Variants in SPTBN5 observed in about 807,000 individuals in gnomAD.
SPTBN5 encodes the protein spectrin beta chain, non-erythrocytic 5.
Under a neutral mutation model 477.6 loss-of-function variants are expected in SPTBN5, and 513 were observed. The ratio of observed to expected loss-of-function variants is 1.07; its 90% CI spans 1.00 to 1.16. The LOEUF (loss-of-function observed/expected upper bound fraction) is 1.16, where lower values mean the gene tolerates loss of function less well. SPTBN5 is among the 50% of genes most tolerant of loss of function. The probability of loss-of-function intolerance (pLI) is 0.00; values close to 1 mark genes in which losing one functional copy is unlikely to be tolerated. For synonymous variants in SPTBN5, 2,169 were observed against 2,011.7 expected (o/e 1.08, Z -2.09); for missense variants, 5,062 against 4,731.8 (o/e 1.07, Z -2.05).
rs1453949690 is a variant in SPTBN5 at position 41,876,273 on chromosome 15, C to T, written c.3963G>A (p.Gln1321=). Residue 1321 remains glutamine, a synonymous_variant, in exon 21 of 68, where the codon CAG becomes CAA. Coordinates refer to ENST00000320955, the MANE Select transcript of SPTBN5 (RefSeq NM_016642.4). ...LASLQLQEWK[Q]DVAELMQWME... ...TCCACTGCATCAGCTCTGCCACATC[C>T]TGCTTCCACTCCTGCCAAGAACCAG... 3 of 1,570,138 alleles carry T rather than the reference C, an allele frequency of 1.9e-6. No homozygotes were observed. In the South Asian group the frequency reaches 3.4e-5, roughly 18 times the overall value.
chr15:41,880,635 C>T (rs1190059493), intron 13 of SPTBN5, among the ~76,000 whole-genome samples: 1 of 152,200 alleles, frequency 6.6e-6, no homozygotes, highest in Admixed American at 6.5e-5. Context: ...TGCTCCACCC[C>T]CACCTGCCTC....
intron 17 of SPTBN5, among the ~76,000 whole-genome samples, chr15:41,878,019 G>C (rs1187639951): frequency 6.6e-6 from 1 of 152,154 alleles, no homozygotes; most frequent in Non-Finnish European, 1.5e-5. Context: ...TTACCAGGAC[G>C]GCAGGGGGGG....
At chr15:41,861,565 C>T (rs1243084729) in intron 45 of SPTBN5, 69 bp from the exon 46 acceptor site, 1 of 1,563,218 alleles carries the variant, frequency 6.4e-7, no homozygotes, top group African/African-American at 1.4e-5. Flanking sequence ...AGTGACTGTT[C>T]CAGTGGCACA....
chr15:41,860,427 G>A (rs1361548278), intron 47 of SPTBN5, among the ~76,000 whole-genome samples, 159 bp downstream of exon 47: 1 of 152,268 alleles, frequency 6.6e-6, no homozygotes, highest in Admixed American at 6.5e-5. Context: ...ACACATTGCA[G>A]GGCCAGGGGT....
chr15:41,883,241 G>A lies in SPTBN5; in HGVS notation c.1660-13C>T, dbSNP rs1188887532. ...ACCTGGCCGGCTCCTGGCCAGAGAT[G>A]ATGGTCATTGCAGTGGTCCCAAGGT... On this transcript the variant is annotated splice_polypyrimidine_tract_variant and intron_variant, in intron 8 of 67. Coordinates refer to ENST00000320955, the MANE Select transcript of SPTBN5 (RefSeq NM_016642.4). 1 of 1,607,734 alleles carries A rather than the reference G, an allele frequency of 6.2e-7. No homozygotes were observed. The highest frequency in any genetic ancestry group is 8.5e-7 in the Non-Finnish European group (1 of 1,177,122).
At position 41,868,579 on chromosome 15, in the gene SPTBN5, G is replaced by A. The variant is rs1211813237; in HGVS notation, c.5876C>T (p.Ala1959Val). 2 of 1,600,482 alleles carry A rather than the reference G, an allele frequency of 1.2e-6. No individual in the cohort carries two copies. The change falls in exon 33 of 68, where the codon GCA becomes GTA. Residue 1959 changes from alanine (A) to valine (V), a missense_variant. By Grantham distance (64) the Ala-to-Val change is moderately conservative (BLOSUM62 0). Transcript: ENST00000320955. ...CTGCAGGTCCTGGCGCACGCGGGCT[G>A]CCCAGGAGGCATAGTCACGCACCTG... Reference protein sequence around the residue: ...RTAVRDYASWAARVRQDLQVE... With the variant: ...RTAVRDYASWVARVRQDLQVE...
In SPTBN5 at chr15:41,892,999, C is replaced by T; in HGVS notation, c.279G>A (p.Leu93=). 6.2e-7 allele frequency: 1 copy of T among 1,610,602 alleles called. No homozygotes were observed. Among genetic ancestry groups the T allele is most frequent in the Non-Finnish European group, 8.5e-7 (1 of 1,179,784 alleles). The change falls in exon 3 of 68, where the codon CTG becomes CTA. Residue 93 remains leucine (L), a synonymous_variant. Coordinates refer to ENST00000320955, the MANE Select transcript of SPTBN5 (RefSeq NM_016642.4). ...GGGCCTCCCCTGAGATGAGCTCCAGCAGCCGCAGGAGGTGGATGCCGTCAG... is the reference window on the plus strand; with the variant it reads ...GGGCCTCCCCTGAGATGAGCTCCAGTAGCCGCAGGAGGTGGATGCCGTCAG... ...ELADGIHLLR[L]LELISGEALP...
intron 46 of SPTBN5, among the ~76,000 whole-genome samples, chr15:41,861,216 C>T (rs550274011): frequency 2.6e-5 from 4 of 152,290 alleles, no homozygotes; most frequent in Admixed American, 6.5e-5. Context: ...TTGGTGTTCG[C>T]GGTGGGGCCT....
intron 49 of SPTBN5, 150 bp downstream of exon 49, chr15:41,858,452 G>GC: frequency 9.8e-7 from 1 of 1,019,086 alleles, no homozygotes; most frequent in Non-Finnish European, 1.4e-6. Flanking sequence ...CTACACTTCT[G>GC]CCTAAACAAC....
chr15:41,890,277 G>A (rs1219264355), intron 3 of SPTBN5, 72 bp from the exon 4 acceptor site: 21 of 1,054,356 alleles, frequency 2.0e-5, no homozygotes, highest in Non-Finnish European at 7.2e-6. Flanking sequence ...AAAAGCTTAG[G>A]GGGCCAGCTG....
intron 32 of SPTBN5, among the ~76,000 whole-genome samples, chr15:41,869,062 C>T (rs1301805592): frequency 2.6e-5 from 4 of 152,216 alleles, no homozygotes; most frequent in Non-Finnish European, 5.9e-5. Flanking sequence ...TAATTTAACC[C>T]TTACAGTCTT....
In SPTBN5 at chr15:41,862,280, C is replaced by T. The variant is rs1302626347; in HGVS notation, c.7398G>A (p.Leu2466=). 3.1e-6 allele frequency: 5 copies of T among 1,602,852 alleles called. No homozygotes were observed. In the African/African-American group the frequency reaches 5.4e-5, roughly 17 times the overall value. Residue 2466 remains leucine (L), a synonymous_variant, in exon 44 of 68, where the codon CTG becomes CTA. Coordinates refer to ENST00000320955, the MANE Select transcript of SPTBN5 (RefSeq NM_016642.4). ...GTTTCTGAGCTTGGTGCAAGGCATCCAGCGCCTCCCTCCTGCCCACAGCGC... is the reference window on the plus strand; with the variant it reads ...GTTTCTGAGCTTGGTGCAAGGCATCTAGCGCCTCCCTCCTGCCCACAGCGC... ...RSRAQKRREA[L]DALHQAQKLQ...
Position 41,869,998 on chromosome 15 carries a change from G to T in SPTBN5, c.5696C>A (p.Ala1899Glu). Residue 1899 changes from alanine (A) to glutamate (E), a missense_variant, in exon 32 of 68, where the codon GCA (alanine) becomes GAA (glutamate). Physicochemically the swap from Ala to Glu is moderately radical, Grantham distance 107. Coordinates refer to ENST00000320955, the MANE Select transcript of SPTBN5 (RefSeq NM_016642.4). ...CGGACACAGCTTCTGCACCCTGCCT[G>T]CAGTCTCCAGCAGTTCCTGCAGCTG... ...ERQLQELLET[A>E]GRVQKLCPGP... 6.7e-7 allele frequency: 1 copy of T among 1,502,766 alleles called. No homozygotes were observed. Among genetic ancestry groups the T allele is most frequent in the African/African-American group, 1.4e-5 (1 of 71,112 alleles). 93.1% of individuals were successfully genotyped at this position (1,502,766 alleles called of 1,614,324 possible). A position where few individuals can be genotyped will look rare whatever the true frequency, so the allele number is the denominator to read the frequency against.
rs532620976 is a variant in SPTBN5 at position 41,871,936 on chromosome 15, G to C, written c.5166-19C>G. 30 of 1,537,604 alleles carry C rather than the reference G, an allele frequency of 2.0e-5. No homozygotes were observed. The highest frequency in any genetic ancestry group is 1.9e-5 in the Non-Finnish European group (22 of 1,138,348). On this transcript the variant is annotated intron_variant, in intron 27 of 67. Coordinates refer to ENST00000320955, the MANE Select transcript of SPTBN5 (RefSeq NM_016642.4). ...CCGGTCCCTGTGGTAACAGTCCGTG[G>C]TTCCCCAGAAGTGAGTTGCCCACCC...
chr15:41,865,905 T>C lies in SPTBN5; in HGVS notation c.6823-2A>G. 1 of 1,571,142 alleles carries C rather than the reference T, an allele frequency of 6.4e-7. No homozygotes were observed. The highest frequency in any genetic ancestry group is 8.6e-7 in the Non-Finnish European group (1 of 1,158,206). ...GTCACCAACATTCATCTTCACCTCC[T>C]GTGAAGGCCGAGGGTGGGGAGGGAG... On this transcript the variant is annotated splice_acceptor_variant, in intron 38 of 67. Coordinates refer to ENST00000320955, the MANE Select transcript of SPTBN5 (RefSeq NM_016642.4). LOFTEE classifies it high-confidence loss of function.
rs2065629124 is a variant in SPTBN5, at chr15:41,848,477, T to G, written c.*139A>C. 2 of 979,164 alleles carry G rather than the reference T, an allele frequency of 2.0e-6. No individual in the cohort carries two copies. Among genetic ancestry groups the G allele is most frequent in the Admixed American group, 1.7e-5 (1 of 57,186 alleles). 60.7% of individuals were successfully genotyped at this position (979,164 alleles called of 1,614,324 possible). On this transcript the variant is annotated 3_prime_UTR_variant, in exon 68 of 68. Transcript: ENST00000320955. ...CCATCTAACCAGAAGGAACTGTCTATTCCAGAAGCTGGGCCTGGGGAACTG... is the reference window on the plus strand; with the variant it reads ...CCATCTAACCAGAAGGAACTGTCTAGTCCAGAAGCTGGGCCTGGGGAACTG...
rs979021173 is a variant in SPTBN5 at position 41,875,734 on chromosome 15, C to T, written c.4123-112G>A. On this transcript the variant is annotated intron_variant, in intron 21 of 67. Coordinates refer to ENST00000320955, the MANE Select transcript of SPTBN5 (RefSeq NM_016642.4). ...AGGTGAGGGGGTGACCACAGCTGCA[C>T]TCCACGGGCTGCCTGGAAGAAAGCA... is the stretch of plus-strand genomic sequence containing the variant. 8.9e-6 allele frequency: 10 copies of T among 1,121,862 alleles called. No homozygotes were observed. In the African/African-American group the frequency reaches 1.6e-4, roughly 18 times the overall value. 69.5% of individuals were successfully genotyped at this position (1,121,862 alleles called of 1,614,324 possible). A position where few individuals can be genotyped will look rare whatever the true frequency, so the allele number is the denominator to read the frequency against.
chr15:41,889,543 C>A (rs186472208), intron 4 of SPTBN5, among the ~76,000 whole-genome samples: 2 of 152,048 alleles, frequency 1.3e-5, no homozygotes, highest in Non-Finnish European at 2.9e-5. Flanking sequence ...TGAGCCCTCC[C>A]GAGAGCTGGG....
chr15:41,867,138 G>C lies in SPTBN5; in HGVS notation c.6313-12C>G. The stretch of plus-strand genomic sequence containing the variant: ...CGCAGGGCTGCCTCCTGTGGGGCAG[G>C]GGCACAGCTGCTGCTCTCCCACCCT... On this transcript the variant is annotated splice_polypyrimidine_tract_variant and intron_variant, in intron 35 of 67. Transcript: ENST00000320955. 2 of 1,519,812 alleles carry C rather than the reference G, an allele frequency of 1.3e-6. No individual in the cohort carries two copies. 94.1% of individuals were successfully genotyped at this position (1,519,812 alleles called of 1,614,324 possible). A position where few individuals can be genotyped will look rare whatever the true frequency, so the allele number is the denominator to read the frequency against.
Sources: gnomAD v4.1 joint callset for allele counts (sites outside exome capture counted in the v4.1 genomes callset) on GRCh38, gnomAD v4.1.1 for gene constraint, MANE v1.5 for transcripts, NCBI Gene and HGNC (gene_info 2026-07-23, HGNC 2026-07-21) for gene names.